The following PCNX2 variants were observed in gnomAD, a reference collection of about 807,000 sequenced individuals.
PCNX2 encodes the protein pecanex 2.
A neutral mutation model predicts 223.8 loss-of-function variants in PCNX2; 168 were observed. The ratio of observed to expected loss-of-function variants is 0.75; its 90% confidence interval spans 0.66 to 0.85. PCNX2 has a LOEUF of 0.85. Among genes scored for constraint, PCNX2 ranks in the 40% least tolerant of loss-of-function variants. The pLI, the probability that PCNX2 is intolerant of heterozygous loss-of-function variation, is 0.00. For synonymous variants in PCNX2, 1,006 were observed against 1,052.6 expected, an observed-to-expected ratio of 0.96 and a Z score of 0.86; for missense variants, 2,507 against 2,675.5, an observed-to-expected ratio of 0.94 and a Z score of 1.39.
intron 18 of PCNX2, among the ~76,000 whole-genome samples, chr1:233,161,018 T>A (rs1678434372): frequency 6.6e-6 from 1 of 152,144 alleles, no homozygotes; most frequent in South Asian, 2.1e-4. Flanking sequence ...CCATCATTCT[T>A]GCAAACAAAA....
rs768084589 is a variant in PCNX2, at chr1:233,236,986, G to A, written c.2223-6C>T. ...AGGAGCTGACCTGCATCTCTCTGAG[G>A]ATGGGCAAAACAAAAGCTTTGGTTA... is the stretch of plus-strand genomic sequence containing the variant. On this transcript the variant is annotated splice_polypyrimidine_tract_variant and splice_region_variant and intron_variant, in intron 8 of 33. Transcript: ENST00000258229. The A allele has an allele frequency of 3.1e-6, 5 of 1,613,684 alleles. No individual in the cohort carries two copies. The Admixed American group carries it at 5.0e-5, about 16-fold the overall frequency.
chr1:232,987,213 T>C (rs1669525069), intron 32 of PCNX2, among the ~76,000 whole-genome samples: 1 of 152,226 alleles, frequency 6.6e-6, no homozygotes, highest in South Asian at 2.1e-4. Flanking sequence ...CCCCAGCCTT[T>C]GCTGAAACTT....
chr1:233,198,294 C>T (rs1270507637), intron 15 of PCNX2, among the ~76,000 whole-genome samples: 2 of 152,202 alleles, frequency 1.3e-5, no homozygotes, highest in African/African-American at 2.4e-5. Flanking sequence ...TCACCTCCCC[C>T]ATTCTTCTAT....
chr1:233,137,665 A>T (rs1676888217), intron 20 of PCNX2, among the ~76,000 whole-genome samples: 1 of 152,170 alleles, frequency 6.6e-6, no homozygotes, highest in Admixed American at 6.5e-5. Context: ...CTTATCCAGG[A>T]TGTTACGTGA....
At chr1:233,315,629 C>T in the PCNX2 span, among the ~76,000 whole-genome samples, 3 of 152,082 alleles carry the variant, frequency 2.0e-5, no homozygotes, top group Non-Finnish European at 4.4e-5. Flanking sequence ...TACAGAAAAC[C>T]ATCATTTTCA....
chr1:233,315,673 A>C, the PCNX2 span, among the ~76,000 whole-genome samples: 1 of 152,188 alleles, frequency 6.6e-6, no homozygotes, highest in Non-Finnish European at 1.5e-5. Flanking sequence ...CTACAGAGTA[A>C]ATTTGCGCAG....
upstream of PCNX2, among the ~76,000 whole-genome samples, chr1:233,300,656 C>T (rs947130359): frequency 1.3e-5 from 2 of 152,178 alleles, no homozygotes; most frequent in Admixed American, 1.3e-4. Context: ...CAGTACATCC[C>T]CCTGTCAATT....
At chr1:233,211,778 A>G in intron 12 of PCNX2, 4 of 985,282 alleles carry the variant, frequency 4.1e-6, no homozygotes, top group Non-Finnish European at 4.8e-6. Context: ...TTTCATTCAT[A>G]CTCACCACTC....
chr1:232,989,029 C>A (rs1189714546), intron 32 of PCNX2, among the ~76,000 whole-genome samples: 1 of 152,196 alleles, frequency 6.6e-6, no homozygotes, highest in Non-Finnish European at 1.5e-5. Flanking sequence ...GATTGGGATA[C>A]CTGACCAGAA....
At chr1:233,081,671 T>C (rs190137508) in intron 23 of PCNX2, among the ~76,000 whole-genome samples, 99 of 152,332 alleles carry the variant, frequency 6.5e-4, no homozygotes, top group African/African-American at 2.3e-3. Flanking sequence ...TATAAATGTT[T>C]TGTGGTCCAG....
chr1:233,222,673 G>A (rs892069505), intron 10 of PCNX2, among the ~76,000 whole-genome samples: 1 of 152,192 alleles, frequency 6.6e-6, no homozygotes, highest in African/African-American at 2.4e-5. Context: ...ATAGATACAC[G>A]TGGAAGGAAC....
chr1:233,271,846 T>C (rs897131503), intron 1 of PCNX2, among the ~76,000 whole-genome samples: 1 of 152,214 alleles, frequency 6.6e-6, no homozygotes, highest in African/African-American at 2.4e-5. Context: ...CCTATTTTTA[T>C]ACCAGTAGCA....
In PCNX2 at chr1:233,295,406, G is replaced by T; in HGVS notation, c.73C>A (p.Pro25Thr). ...CTGTTGGTGAACTTGCTCTGCTCCG[G>T]GTCGTGGTACCAGCCCCCGGTGAGC... ...AALTGGWYHDPEQSKFTNSCH... is the reference protein window; with the variant it reads ...AALTGGWYHDTEQSKFTNSCH... Residue 25 changes from proline (P) to threonine (T), a missense_variant, in exon 1 of 34, where the codon CCG (proline) becomes ACG (threonine). Around this residue, in one of 3 missense-constraint regions of PCNX2, gnomAD observed 1,031 missense variants for 1,021.7 expected, o/e 1.01. Transcript: ENST00000258229. The surrounding 1 kb of genome is among the most constrained non-coding windows in gnomAD (Gnocchi z 4.1). The T allele has an allele frequency of 6.4e-7, 1 of 1,553,612 alleles. No homozygotes were observed. The highest frequency in any genetic ancestry group is 8.7e-7 in the Non-Finnish European group (1 of 1,148,168).
intron 24 of PCNX2, among the ~76,000 whole-genome samples, chr1:233,056,579 A>C (rs1672198856): frequency 6.6e-6 from 1 of 152,156 alleles, no homozygotes. Flanking sequence ...TCAAATTTCG[A>C]ATTTTGATTT....
At chr1:233,241,361 CAA>C (rs1347158383) in intron 8 of PCNX2, 1 of 985,418 alleles carries the variant, frequency 1.0e-6, no homozygotes, top group Non-Finnish European at 1.2e-6. Flanking sequence ...CCCCAGAGAA[CAA>C]AAGTCTTTCT....
Position 233,139,946 on chromosome 1 carries a change from T to C in PCNX2, c.3518-91A>G. 1 of 1,445,466 alleles carries C rather than the reference T, an allele frequency of 6.9e-7. No homozygotes were observed. Among genetic ancestry groups the C allele is most frequent in the Non-Finnish European group, 9.2e-7 (1 of 1,081,628 alleles). 89.5% of individuals were successfully genotyped at this position (1,445,466 alleles called of 1,614,324 possible). ...AATAATAAGTAATATTCCCCCCCTT[T>C]AATTCAAAAGCTGCTAATTAAGAAC... On this transcript the variant is annotated intron_variant, in intron 19 of 33. Coordinates refer to ENST00000258229, the MANE Select transcript of PCNX2 (RefSeq NM_014801.4). This position sits in a 1 kb window ranked among gnomAD's most constrained non-coding sequence, Gnocchi z 4.4.
At chr1:233,292,169 T>A (rs888166522) in intron 1 of PCNX2, among the ~76,000 whole-genome samples, 1 of 151,642 alleles carries the variant, frequency 6.6e-6, no homozygotes, top group African/African-American at 2.4e-5. Context: ...AAAAAGTGGA[T>A]CCTTTCAATA....
chr1:233,150,851 T>C (rs1242425336), intron 19 of PCNX2, among the ~76,000 whole-genome samples: 1 of 152,176 alleles, frequency 6.6e-6, no homozygotes, highest in Non-Finnish European at 1.5e-5. Context: ...CCTTCTCTTC[T>C]TGACAGAAAG....
At chr1:233,280,440 G>A (rs1661134052) in intron 1 of PCNX2, among the ~76,000 whole-genome samples, 1 of 151,950 alleles carries the variant, frequency 6.6e-6, no homozygotes, top group African/African-American at 2.4e-5. Context: ...TGGGATTATA[G>A]GCATGCGCCA....
Sources: allele counts gnomAD v4.1 joint callset (sites outside exome capture counted in the v4.1 genomes callset), GRCh38; gene constraint gnomAD v4.1.1; regional missense constraint gnomAD v4.1.1; non-coding constraint Gnocchi (gnomAD v3.1); transcripts MANE v1.5; gene names NCBI Gene and HGNC (gene_info 2026-07-23, HGNC 2026-07-21).